Variants in ICA1L observed in about 807,000 individuals in gnomAD.
The protein encoded by ICA1L is islet cell autoantigen 1-like protein.
In ICA1L, 50 loss-of-function variants were observed where a neutral mutation model predicts 61.3. The observed-to-expected ratio is 0.82, with a 90% CI of 0.65 to 1.03. The LOEUF is 1.03. Among genes scored for constraint, ICA1L ranks in the 50% least tolerant of loss-of-function variants. The pLI is 0.00. For missense variants in ICA1L, 508 were observed against 556.7 expected (o/e 0.91, Z 0.88); for synonymous variants, 161 against 191.3 (o/e 0.84, Z 1.31).
chr2:202,849,303 G>T lies in ICA1L; in HGVS notation c.-7-20287C>A, dbSNP rs1228692670. ...ACAAAACCGTTCACTCCCCTGGAAAGGGGGCTGAGGCCAGGGAGCCAAGTG... is the reference window on the plus strand; with the variant it reads ...ACAAAACCGTTCACTCCCCTGGAAATGGGGCTGAGGCCAGGGAGCCAAGTG... On this transcript the variant is annotated intron_variant, in intron 1 of 12. Coordinates refer to ENST00000358299, the MANE Select transcript of ICA1L (RefSeq NM_001288622.3). This position sits in a 1 kb window ranked among gnomAD's most constrained non-coding sequence, Gnocchi z 4.5. Among the ~76,000 whole-genome samples, 2 of 152,190 alleles carry T rather than the reference G, an allele frequency of 1.3e-5. No homozygotes were observed. The highest frequency in any genetic ancestry group is 4.8e-5 in the African/African-American group (2 of 41,450).
chr2:202,835,550 A>ATT (rs35895700), intron 1 of ICA1L, among the ~76,000 whole-genome samples: 2,652 of 143,634 alleles, frequency 0.018, 40 homozygotes, highest in Middle Eastern at 0.036. Context: ...AATGCTACTG[A>ATT]TTTTTTTTTT....
chr2:202,803,215 C>T (rs1693131688), intron 9 of ICA1L, among the ~76,000 whole-genome samples: 1 of 151,968 alleles, frequency 6.6e-6, no homozygotes, highest in South Asian at 2.1e-4. Context: ...CGAGACCAGC[C>T]TGGCCAACAT....
At chr2:202,869,083 G>C (rs1302167947) in intron 1 of ICA1L, among the ~76,000 whole-genome samples, 1 of 152,142 alleles carries the variant, frequency 6.6e-6, no homozygotes, top group African/African-American at 2.4e-5. Flanking sequence ...AGTGAGGCCA[G>C]GCGTGGTGGC....
chr2:202,795,073 C>CTTTTTT (rs59752090), intron 10 of ICA1L, among the ~76,000 whole-genome samples: 210 of 97,026 alleles, frequency 2.2e-3, no homozygotes, highest in African/African-American at 3.6e-3. Flanking sequence ...GTTTCCTTTT[C>CTTTTTT]TTTTTTTTTT....
At chr2:202,815,751 A>G (rs982294243) in intron 7 of ICA1L, among the ~76,000 whole-genome samples, 160 bp downstream of exon 7, 3 of 151,684 alleles carry the variant, frequency 2.0e-5, no homozygotes, top group African/African-American at 7.3e-5. Context: ...TGCTGGCAAC[A>G]TTTGCAATTA....
chr2:202,860,448 G>C (rs372325651), intron 1 of ICA1L, among the ~76,000 whole-genome samples: 2 of 151,988 alleles, frequency 1.3e-5, no homozygotes, highest in Admixed American at 1.3e-4. Flanking sequence ...CCAAATGCAT[G>C]TAATTTAAAA....
chr2:202,835,453 A>G lies in ICA1L; in HGVS notation c.-7-6437T>C, dbSNP rs1348545184. On this transcript the variant is annotated intron_variant, in intron 1 of 12. Coordinates refer to ENST00000358299, the MANE Select transcript of ICA1L (RefSeq NM_001288622.3). The stretch of plus-strand genomic sequence containing the variant: ...ACTCTTGACCTCAAGTGATCCTCCC[A>G]CCTTGGCCTCCCAAAGTGCTGGGAT... Among the ~76,000 whole-genome samples, 4 of 150,316 alleles carry G rather than the reference A, an allele frequency of 2.7e-5. No individual in the cohort carries two copies. The East Asian group carries it at 7.8e-4, about 29-fold the overall frequency.
chr2:202,865,885 C>A (rs560407215), intron 1 of ICA1L, among the ~76,000 whole-genome samples: 20 of 152,238 alleles, frequency 1.3e-4, no homozygotes, highest in African/African-American at 4.8e-4. Context: ...GCCTAGACTT[C>A]CAAAGTGCTA....
intron 7 of ICA1L, among the ~76,000 whole-genome samples, chr2:202,815,302 C>T (rs1463269341): frequency 6.6e-6 from 1 of 152,158 alleles, no homozygotes; most frequent in Non-Finnish European, 1.5e-5. Flanking sequence ...CAGAAATATG[C>T]AAGATATGAG....
intron 1 of ICA1L, among the ~76,000 whole-genome samples, chr2:202,852,066 C>A (rs1222803983): frequency 6.6e-6 from 1 of 152,194 alleles, no homozygotes; most frequent in Non-Finnish European, 1.5e-5. Context: ...GTGTTTTAGA[C>A]ATGAAGTCCT....
Position 202,864,885 on chromosome 2 carries a change from T to C in ICA1L, c.-8+6734A>G, listed in dbSNP as rs183028194. Among the ~76,000 whole-genome samples the C allele has an allele frequency of 2.4e-4, 37 of 151,998 alleles. No individual in the cohort carries two copies. The Middle Eastern group carries it at 0.014, about 56-fold the overall frequency. Reference sequence around the variant, plus strand: ...AATACCAAAATTAGCCAGGTGTGGCTGGGCATGGAGGCTCATGCCTGTAAT... The same window carrying C: ...AATACCAAAATTAGCCAGGTGTGGCCGGGCATGGAGGCTCATGCCTGTAAT... On this transcript the variant is annotated intron_variant, in intron 1 of 12. Transcript: ENST00000358299.
intron 1 of ICA1L, among the ~76,000 whole-genome samples, chr2:202,847,702 T>C (rs577679240): frequency 6.9e-6 from 1 of 144,200 alleles, no homozygotes; most frequent in African/African-American, 2.6e-5. Flanking sequence ...GAATTATATA[T>C]ATATATAGTT....
At chr2:202,798,309 C>A (rs1692994174) in intron 9 of ICA1L, among the ~76,000 whole-genome samples, 1 of 152,112 alleles carries the variant, frequency 6.6e-6, no homozygotes, top group Non-Finnish European at 1.5e-5. Flanking sequence ...CTCACTACAG[C>A]CTCCAACTCC....
chr2:202,844,182 C>G (rs1694407717), intron 1 of ICA1L: 1 of 152,082 alleles, frequency 6.6e-6, no homozygotes, highest in African/African-American at 2.4e-5. Flanking sequence ...GGTGTACCAG[C>G]CTCAGCAACA....
At chr2:202,785,139 G>A (rs1282385162) in intron 12 of ICA1L, among the ~76,000 whole-genome samples, 1 of 150,886 alleles carries the variant, frequency 6.6e-6, no homozygotes, top group African/African-American at 2.4e-5. Flanking sequence ...GAATCGCTTG[G>A]ACCCAGGAGG....
intron 3 of ICA1L, chr2:202,825,447 G>GT (rs1346242702): frequency 1.0e-6 from 1 of 995,104 alleles, no homozygotes; most frequent in Non-Finnish European, 1.3e-6. Context: ...TCCAACCTGA[G>GT]TGACAGAGAA....
chr2:202,782,413 G>GT (rs796661700), intron 12 of ICA1L, among the ~76,000 whole-genome samples: 2,439 of 149,504 alleles, frequency 0.016, 52 homozygotes, highest in African/African-American at 0.054. Flanking sequence ...TTTGTTTTTG[G>GT]TTTTTTTTTT....
intron 10 of ICA1L, among the ~76,000 whole-genome samples, chr2:202,790,207 A>G (rs1160584746): frequency 6.6e-6 from 1 of 152,158 alleles, no homozygotes; most frequent in Non-Finnish European, 1.5e-5. Context: ...GAATACTTAA[A>G]TGGCATGAAC....
chr2:202,844,624 T>G (rs568149547), intron 1 of ICA1L: 7 of 152,224 alleles, frequency 4.6e-5, no homozygotes, highest in African/African-American at 1.7e-4. Flanking sequence ...GAGATAAACT[T>G]GCCCAATTTT....
Sources: allele counts gnomAD v4.1 joint callset (sites outside exome capture counted in the v4.1 genomes callset), GRCh38; gene constraint gnomAD v4.1.1; non-coding constraint Gnocchi (gnomAD v3.1); transcripts MANE v1.5; gene names NCBI Gene and HGNC (gene_info 2026-07-23, HGNC 2026-07-21).